ANXA2: variants seen among roughly 807,000 people sequenced by gnomAD.
ANXA2 encodes the protein annexin II.
A neutral mutation model predicts 47.3 loss-of-function variants in ANXA2; 28 were observed. The ratio of observed to expected loss-of-function variants is 0.59; its 90% CI spans 0.44 to 0.81. The LOEUF (loss-of-function observed/expected upper bound fraction) is 0.81, where lower values mean the gene tolerates loss of function less well. Among genes scored for constraint, ANXA2 ranks in the 40% least tolerant of loss-of-function variants. The pLI is 0.00. For missense variants in ANXA2, 384 were observed against 414.3 expected (o/e 0.93, Z 0.64); for synonymous variants, 172 against 155.5 (o/e 1.11, Z -0.79).
At chr15:60,374,975 G>C (rs907422545) in intron 3 of ANXA2, among the ~76,000 whole-genome samples, 2 of 152,206 alleles carry the variant, frequency 1.3e-5, no homozygotes, top group Admixed American at 6.5e-5. Context: ...CTCCGTTAGA[G>C]GAGAGAGGCT....
intron 11 of ANXA2, among the ~76,000 whole-genome samples, chr15:60,349,799 GA>G (rs1451014854): frequency 7.4e-6 from 1 of 135,854 alleles, no homozygotes; most frequent in African/African-American, 2.8e-5. Flanking sequence ...AAAGAGAGAA[GA>G]AAGGGAAAGG....
At chr15:60,351,958 C>T (rs11633657) in intron 9 of ANXA2, 139 bp from the exon 10 acceptor site, 191,525 of 659,446 alleles carry the variant, frequency 0.29, 30,013 homozygotes, top group Middle Eastern at 0.4. Context: ...GAGGTTACCA[C>T]GGTGACCAGA....
chr15:60,394,645 G>A (rs1197968053), intron 1 of ANXA2: 2 of 152,110 alleles, frequency 1.3e-5, no homozygotes, highest in African/African-American at 2.4e-5. Flanking sequence ...GCTACAGTGA[G>A]GAGAGATCGT....
rs1216008295 is a variant in ANXA2 at position 60,354,181 on chromosome 15, A to T, written c.561T>A (p.Asp187Glu). 1 of 1,613,954 alleles carries T rather than the reference A, an allele frequency of 6.2e-7. No homozygotes were observed. Among genetic ancestry groups the T allele is most frequent in the African/African-American group, 1.3e-5 (1 of 75,046 alleles). Residue 187 changes from aspartate to glutamate, a missense_variant, in exon 8 of 13, where the codon GAT (aspartate) becomes GAA (glutamate). Physicochemically the swap from Asp to Glu is conservative, Grantham distance 45. Transcript: ENST00000451270. ...GAGCATCTTGGTCAATCAGTTCATA[A>T]TCAATGACAGAGCCATCCTCTGCTC... The part of the protein sequence containing the change: ...GRRAEDGSVI[D>E]YELIDQDARD...
chr15:60,385,968 G>T, intron 2 of ANXA2, 60 bp downstream of exon 2: 1 of 1,121,660 alleles, frequency 8.9e-7, no homozygotes, highest in South Asian at 1.3e-5. Flanking sequence ...AGAGTAATAT[G>T]GTTATCCAGA....
At chr15:60,370,574 G>A (rs1279403397) in intron 3 of ANXA2, among the ~76,000 whole-genome samples, 1 of 152,162 alleles carries the variant, frequency 6.6e-6, no homozygotes, top group Non-Finnish European at 1.5e-5. Flanking sequence ...GGTTGCAAGG[G>A]TCATCCGGTT....
At chr15:60,362,272 C>G (rs185712620) in intron 4 of ANXA2, among the ~76,000 whole-genome samples, 1 of 152,298 alleles carries the variant, frequency 6.6e-6, no homozygotes, top group Non-Finnish European at 1.5e-5. Context: ...TACCCATTCT[C>G]TATTCAAACC....
intron 3 of ANXA2, among the ~76,000 whole-genome samples, chr15:60,381,532 A>G (rs1269905215): frequency 6.6e-6 from 1 of 152,118 alleles, no homozygotes; most frequent in African/African-American, 2.4e-5. Flanking sequence ...TGACCATAAG[A>G]AGCTCTTGCT....
At chr15:60,354,031 C>T (rs2062387235) in intron 8 of ANXA2, 123 bp downstream of exon 8, 1 of 673,346 alleles carries the variant, frequency 1.5e-6, no homozygotes, top group Non-Finnish European at 2.5e-6. Context: ...AGAAATAATA[C>T]ATGTTTGTTG....
intron 2 of ANXA2, 36 bp from the exon 3 acceptor site, chr15:60,382,477 C>T (rs780574461): frequency 5.0e-6 from 7 of 1,395,792 alleles, no homozygotes; most frequent in Middle Eastern, 1.8e-4. Context: ...AAATGACACA[C>T]ATTTAAAATC....
At chr15:60,393,859 T>A (rs1163999680) in intron 1 of ANXA2, among the ~76,000 whole-genome samples, 20 of 152,226 alleles carry the variant, frequency 1.3e-4, no homozygotes. Context: ...ACGATAGGCA[T>A]TCAATTTCAT....
chr15:60,390,365 G>A (rs1398670954), intron 1 of ANXA2: 5 of 760,202 alleles, frequency 6.6e-6, no homozygotes, highest in Non-Finnish European at 5.6e-6. Flanking sequence ...TAGCATTCCG[G>A]AAAACATGGT....
intron 4 of ANXA2, 59 bp from the exon 5 acceptor site, chr15:60,361,113 A>T: frequency 8.4e-7 from 1 of 1,185,884 alleles, no homozygotes. Context: ...ACTAGTGAGT[A>T]AAACAAAAGT....
Position 60,354,148 on chromosome 15 carries a change from A to C in ANXA2, c.588+6T>G. The C allele has an allele frequency of 6.2e-7, 1 of 1,613,438 alleles. No individual in the cohort carries two copies. ...AAAAACTCAAAGCAAAAAGCTCAGC[A>C]CTTACCCGAGCATCTTGGTCAATCA... On this transcript the variant is annotated splice_donor_region_variant and intron_variant, in intron 8 of 12. Coordinates refer to ENST00000451270, the MANE Select transcript of ANXA2 (RefSeq NM_004039.3).
intron 3 of ANXA2, among the ~76,000 whole-genome samples, chr15:60,372,375 A>T (rs939632251): frequency 6.6e-6 from 1 of 152,194 alleles, no homozygotes; most frequent in African/African-American, 2.4e-5. Context: ...TCAAACCGGG[A>T]CTAAAGACCC....
At chr15:60,351,012 G>A (rs1168255833) in intron 11 of ANXA2, among the ~76,000 whole-genome samples, 181 bp downstream of exon 11, 4 of 152,328 alleles carry the variant, frequency 2.6e-5, no homozygotes, top group East Asian at 3.9e-4. Flanking sequence ...GCAGCTGAGA[G>A]AAAGAAGACA....
In ANXA2 at chr15:60,348,560, C is replaced by T. The variant is rs547979716; in HGVS notation, c.960+515G>A. Among the ~76,000 whole-genome samples, 49 of 152,062 alleles carry T rather than the reference C, an allele frequency of 3.2e-4. 2 individuals carry two copies. The Middle Eastern group carries it at 0.024, about 74-fold the overall frequency. On this transcript the variant is annotated intron_variant, in intron 12 of 12. Transcript: ENST00000451270. ...GAGATCGAGACCATCCTGGCTAACACGGTGAAACCCTGTCTCTACTAAAAA... is the reference window on the plus strand; with the variant it reads ...GAGATCGAGACCATCCTGGCTAACATGGTGAAACCCTGTCTCTACTAAAAA...
In ANXA2 at chr15:60,349,304, C is replaced by T. The variant is rs534621702; in HGVS notation, c.838-107G>A. 94 of 1,304,920 alleles carry T rather than the reference C, an allele frequency of 7.2e-5. 1 individual carries two copies. In the South Asian group the frequency reaches 1.1e-3, roughly 16 times the overall value. The allele number at this position is 1,304,920 out of a possible 1,614,324, so 80.8% of individuals were successfully genotyped here. ...CTGAAAATCTGAAATCTAAAATGCT[C>T]CAAAATCCAAAACTTTTTCAGTGCC... On this transcript the variant is annotated intron_variant, in intron 11 of 12. Coordinates refer to ENST00000451270, the MANE Select transcript of ANXA2 (RefSeq NM_004039.3).
rs116681259 is a variant in ANXA2 at position 60,353,801 on chromosome 15, G to T, written c.588+353C>A. 3.9e-3 allele frequency among the ~76,000 whole-genome samples: 592 copies of T among 152,252 alleles called. 2 individuals carry two copies. The highest frequency in any genetic ancestry group is 6.9e-3 in the Admixed American group (105 of 15,296). On this transcript the variant is annotated intron_variant, in intron 8 of 12. Transcript: ENST00000451270. ...GGGAAAGCCGGCTGCCATGTTGTGAGGACGCTCAAACAACCCCATGGAGAG... is the reference window on the plus strand; with the variant it reads ...GGGAAAGCCGGCTGCCATGTTGTGATGACGCTCAAACAACCCCATGGAGAG...
Sources: allele counts gnomAD v4.1 joint callset (sites outside exome capture counted in the v4.1 genomes callset), GRCh38; gene constraint gnomAD v4.1.1; transcripts MANE v1.5; gene names NCBI Gene and HGNC (gene_info 2026-07-23, HGNC 2026-07-21).